The following FAP variants were observed in gnomAD, a reference collection of about 807,000 sequenced individuals.
FAP encodes fibroblast activation protein alpha.
FAP carries 110 observed loss-of-function variants against 126.5 expected under a neutral mutation model. The ratio of observed to expected loss-of-function variants is 0.87; its 90% CI spans 0.74 to 1.02. The LOEUF is 1.02. FAP is among the 50% of genes least tolerant of loss of function. The pLI is 0.00. For synonymous variants in FAP, 334 were observed against 297.3 expected (o/e 1.12, Z -1.27); for missense variants, 919 against 909.2 (o/e 1.01, Z -0.14).
At chr2:162,172,735 A>C in intron 25 of FAP, 76 bp downstream of exon 25, 1 of 974,248 alleles carries the variant, frequency 1.0e-6, no homozygotes, top group Non-Finnish European at 1.6e-6. Context: ...AAAAGTTAAA[A>C]AAAATAAAAA....
rs1217357198 is a variant in FAP at position 162,178,939 on chromosome 2, C to G, written c.1870-3973G>C. ...CTGCTTATTATATTGTATAAGAGCACACACAGATATGACCTCTTCCAACTG... is the reference window on the plus strand; with the variant it reads ...CTGCTTATTATATTGTATAAGAGCAGACACAGATATGACCTCTTCCAACTG... On this transcript the variant is annotated intron_variant, in intron 21 of 25. Coordinates refer to ENST00000188790, the MANE Select transcript of FAP (RefSeq NM_004460.5). Among the ~76,000 whole-genome samples the G allele has an allele frequency of 2.0e-5, 3 of 152,166 alleles. No homozygotes were observed. The East Asian group carries it at 5.8e-4, about 29-fold the overall frequency.
chr2:162,199,042 ATG>A (rs1688384975), intron 15 of FAP, among the ~76,000 whole-genome samples, 161 bp from the exon 16 acceptor site: 5 of 152,192 alleles, frequency 3.3e-5, no homozygotes, highest in Non-Finnish European at 5.9e-5. Context: ...CAGTATTTTG[ATG>A]TAGCTTGATT....
rs1689138988 is a variant in FAP, at chr2:162,215,817, T to C, written c.866+81A>G. 3 of 930,792 alleles carry C rather than the reference T, an allele frequency of 3.2e-6. No homozygotes were observed. The South Asian group carries it at 4.4e-5, about 14-fold the overall frequency. The allele number at this position is 930,792 out of a possible 1,614,324, so 57.7% of individuals were successfully genotyped here. A position where few individuals can be genotyped will look rare whatever the true frequency, so the allele number is the denominator to read the frequency against. Reference sequence around the variant, plus strand: ...TTTGTGTGCAACTCTTATCTACTTATTTGTTTTTGCTTCTAGCATGCACAG... The same window carrying C: ...TTTGTGTGCAACTCTTATCTACTTACTTGTTTTTGCTTCTAGCATGCACAG... On this transcript the variant is annotated intron_variant, in intron 10 of 25. Transcript: ENST00000188790.
Position 162,219,856 on chromosome 2 carries a change from T to C in FAP, c.483A>G (p.Lys161=). 2 of 1,605,164 alleles carry C rather than the reference T, an allele frequency of 1.2e-6. No homozygotes were observed. The highest frequency in any genetic ancestry group is 4.5e-5 in the East Asian group (2 of 44,782). The change falls in exon 7 of 26, where the codon AAA becomes AAG. Residue 161 remains lysine, a synonymous_variant. Coordinates refer to ENST00000188790, the MANE Select transcript of FAP (RefSeq NM_004460.5). ...CTTCAAAAATTTAAACACTTACTAA[T>C]TTACTCCCAACAGGCGACCAGCATA... is the stretch of plus-strand genomic sequence containing the variant. ...QYLCWSPVGS[K]LAYVYQNNIY...
intron 6 of FAP, chr2:162,221,778 T>G (rs1244420869): frequency 2.2e-6 from 1 of 455,368 alleles, no homozygotes; most frequent in East Asian, 7.0e-5. Flanking sequence ...GGCGTTCATC[T>G]CCTCAGTTTT....
chr2:162,172,352 A>C (rs1251741217), intron 25 of FAP: 1 of 157,190 alleles, frequency 6.4e-6, no homozygotes, highest in Non-Finnish European at 1.4e-5. Context: ...GGGGATGAGA[A>C]TACATAGGTG....
At chr2:162,195,869 C>A (rs1473331439) in intron 16 of FAP, among the ~76,000 whole-genome samples, 6 of 152,114 alleles carry the variant, frequency 3.9e-5, no homozygotes, top group Non-Finnish European at 8.8e-5. Flanking sequence ...CCACCCCCCC[C>A]AGATAGGGTG....
chr2:162,199,126 G>A (rs1038458154), intron 15 of FAP, among the ~76,000 whole-genome samples: 1 of 152,146 alleles, frequency 6.6e-6, no homozygotes, highest in South Asian at 2.1e-4. Context: ...TGGAGTGGGA[G>A]AAATATCTAA....
Position 162,243,224 on chromosome 2 carries a change from T to C in FAP, c.6+98A>G, listed in dbSNP as rs183897087. The stretch of plus-strand genomic sequence containing the variant: ...AACCCATTGAGGAAGTAAATACTTA[T>C]GTACAAATCTTCACCTTCTAAACAA... On this transcript the variant is annotated intron_variant, in intron 1 of 25. Transcript: ENST00000188790. 172 of 981,832 alleles carry C rather than the reference T, an allele frequency of 1.8e-4. No homozygotes were observed. The East Asian group carries it at 1.9e-3, about 11-fold the overall frequency. 60.8% of individuals were successfully genotyped at this position (981,832 alleles called of 1,614,324 possible).
chr2:162,175,281 T>C (rs1003280233), intron 21 of FAP: 4 of 165,652 alleles, frequency 2.4e-5, no homozygotes, highest in African/African-American at 9.6e-5. Flanking sequence ...CTCATTTTTT[T>C]CTCTATATCT....
At chr2:162,239,002 T>C (rs1690243743) in intron 2 of FAP, among the ~76,000 whole-genome samples, 1 of 152,088 alleles carries the variant, frequency 6.6e-6, no homozygotes, top group South Asian at 2.1e-4. Flanking sequence ...TCACTACATA[T>C]TATATATATA....
chr2:162,204,043 T>C (rs1405088688), intron 12 of FAP, among the ~76,000 whole-genome samples: 1 of 152,212 alleles, frequency 6.6e-6, no homozygotes, highest in Non-Finnish European at 1.5e-5. Context: ...AAAGAGCTAC[T>C]CTACATCATG....
chr2:162,198,770 T>C lies in FAP; in HGVS notation c.1389A>G (p.Ala463=), dbSNP rs771283560. 9.3e-6 allele frequency: 15 copies of C among 1,614,136 alleles called. No homozygotes were observed. Among genetic ancestry groups the C allele is most frequent in the Non-Finnish European group, 1.3e-5 (15 of 1,179,974 alleles). Residue 463 remains alanine, a synonymous_variant, in exon 16 of 26, where the codon GCA becomes GCG. Coordinates refer to ENST00000188790, the MANE Select transcript of FAP (RefSeq NM_004460.5). The part of the protein sequence containing the change: ...ASFSDYAKYY[A]LVCYGPGIPI... ...TCCGTTACCTACCGTAGCAGACAAGTGCATAGTACTTGGCGTAGTCGCTGA... is the reference window on the plus strand; with the variant it reads ...TCCGTTACCTACCGTAGCAGACAAGCGCATAGTACTTGGCGTAGTCGCTGA...
chr2:162,172,563 T>A lies in FAP; in HGVS notation c.2181+248A>T, dbSNP rs945781814. The A allele has an allele frequency of 7.3e-6, 3 of 410,038 alleles. No homozygotes were observed. In the Admixed American group the frequency reaches 1.1e-4, roughly 15 times the overall value. The allele number at this position is 410,038 out of a possible 1,614,324, so 25.4% of individuals were successfully genotyped here. ...ACTACTGGATGTTTGAACTAGAAGA[T>A]CATTTAATCTTGTGAACTCCTTTAT... On this transcript the variant is annotated intron_variant, in intron 25 of 25. Transcript: ENST00000188790.
At chr2:162,215,221 G>A (rs973360180) in intron 10 of FAP, among the ~76,000 whole-genome samples, 1 of 152,180 alleles carries the variant, frequency 6.6e-6, no homozygotes, top group African/African-American at 2.4e-5. Flanking sequence ...TCTTCGTGAA[G>A]CAGAAGGGGA....
intron 17 of FAP, among the ~76,000 whole-genome samples, chr2:162,192,747 C>T (rs1264380072): frequency 4.6e-5 from 7 of 152,072 alleles, no homozygotes; most frequent in Non-Finnish European, 1.0e-4. Context: ...CATCATCCTC[C>T]CAAAACCTGA....
Position 162,202,314 on chromosome 2 carries a change from C to T in FAP, c.1223+558G>A, listed in dbSNP as rs149481695. Among the ~76,000 whole-genome samples, 683 of 152,322 alleles carry T rather than the reference C, an allele frequency of 4.5e-3. 1 individual carries two copies. The highest frequency in any genetic ancestry group is 0.016 in the African/African-American group (656 of 41,570). On this transcript the variant is annotated intron_variant, in intron 14 of 25. Transcript: ENST00000188790. The stretch of plus-strand genomic sequence containing the variant: ...GATAATAACAGCCTTAGATTTAATG[C>T]TTTAGGATTGAATCCTAGTCTGCTA...
chr2:162,178,581 G>T lies in FAP; in HGVS notation c.1870-3615C>A, dbSNP rs73012918. 9.8e-3 allele frequency among the ~76,000 whole-genome samples: 1,497 copies of T among 152,286 alleles called. 27 individuals carry two copies. Among genetic ancestry groups the T allele is most frequent in the African/African-American group, 0.034 (1,406 of 41,550 alleles). ...TAAACTGATACTTCTTAGGCACTGT[G>T]GTGGGCACATAGTGAATATTTATCA... On this transcript the variant is annotated intron_variant, in intron 21 of 25. Transcript: ENST00000188790.
At chr2:162,239,470 C>A (rs1166283764) in intron 2 of FAP, among the ~76,000 whole-genome samples, 2 of 151,226 alleles carry the variant, frequency 1.3e-5, no homozygotes, top group Non-Finnish European at 2.9e-5. Context: ...GCTTCAGACA[C>A]AAAAGTTTCT....
Sources: allele counts gnomAD v4.1 joint callset (sites outside exome capture counted in the v4.1 genomes callset), GRCh38; gene constraint gnomAD v4.1.1; transcripts MANE v1.5; gene names NCBI Gene and HGNC (gene_info 2026-07-23, HGNC 2026-07-21).